RASGRP1: variants seen among roughly 807,000 people sequenced by gnomAD.
RASGRP1 encodes the protein RAS guanyl-releasing protein 1.
Under a neutral mutation model 95.1 loss-of-function variants are expected in RASGRP1, and 37 were observed. That is an observed-to-expected ratio of 0.39 (90% CI 0.30 to 0.51). The LOEUF (loss-of-function observed/expected upper bound fraction) is 0.51. Among genes scored for constraint, RASGRP1 ranks in the 20% least tolerant of loss-of-function variants. The pLI is 0.80. For synonymous variants in RASGRP1, 325 were observed against 353.4 expected, an observed-to-expected ratio of 0.92 and a Z score of 0.90; for missense variants, 711 against 965.4, an observed-to-expected ratio of 0.74 and a Z score of 3.49.
At chr15:38,512,217 T>C (rs1305623632) in intron 7 of RASGRP1, among the ~76,000 whole-genome samples, 1 of 152,222 alleles carries the variant, frequency 6.6e-6, no homozygotes, top group Non-Finnish European at 1.5e-5. Context: ...TTACCAGACT[T>C]TTATTTTTGA....
intron 14 of RASGRP1, chr15:38,499,231 C>A: frequency 1.9e-6 from 1 of 538,280 alleles, no homozygotes; most frequent in Admixed American, 2.6e-5. Flanking sequence ...ATTCTGCCTA[C>A]TCTAGGGAGA....
chr15:38,528,001 T>C (rs906569574), intron 2 of RASGRP1, among the ~76,000 whole-genome samples: 2 of 152,150 alleles, frequency 1.3e-5, no homozygotes, highest in East Asian at 1.9e-4. Flanking sequence ...TATATGTATA[T>C]GTAAACTGAC....
In RASGRP1 at chr15:38,501,193, G is replaced by A. The variant is rs758591562; in HGVS notation, c.1633C>T (p.Gln545Ter). The A allele has an allele frequency of 6.2e-7, 1 of 1,613,050 alleles. No individual in the cohort carries two copies. The highest frequency in any genetic ancestry group is 8.5e-7 in the Non-Finnish European group (1 of 1,179,368). ...GTGGGCTTCAGGTAGGTGGTCTCTT[G>A]GAAGTTGTGAGGAAAGCCCAGGCCC... ...KLGLGFPHNF[Q>*]ETTYLKPTFC... Residue 545 changes from glutamine (Q) to a stop codon, truncating the protein, a stop_gained, in exon 13 of 17, where the codon CAA becomes TAA. Transcript: ENST00000310803. LOFTEE classifies it high-confidence loss of function.
At chr15:38,542,216 A>G (rs915365385) in intron 2 of RASGRP1, among the ~76,000 whole-genome samples, 1 of 152,130 alleles carries the variant, frequency 6.6e-6, no homozygotes. Flanking sequence ...ACACTAAACT[A>G]AAAAATAACA....
chr15:38,558,783 A>G (rs1030423669), intron 2 of RASGRP1, among the ~76,000 whole-genome samples: 1 of 152,252 alleles, frequency 6.6e-6, no homozygotes, highest in African/African-American at 2.4e-5. Flanking sequence ...TATCCCTAAC[A>G]TGTCAAGTAT....
chr15:38,559,156 A>T (rs1334030447), intron 2 of RASGRP1, among the ~76,000 whole-genome samples: 1 of 152,236 alleles, frequency 6.6e-6, no homozygotes, highest in East Asian at 1.9e-4. Context: ...CCAAAAATAC[A>T]CCACGCTTAT....
chr15:38,538,349 A>G (rs1892741057), intron 2 of RASGRP1, among the ~76,000 whole-genome samples: 1 of 152,240 alleles, frequency 6.6e-6, no homozygotes, highest in Admixed American at 6.5e-5. Context: ...CTACAGAAAT[A>G]GCCAAAATGC....
intron 2 of RASGRP1, among the ~76,000 whole-genome samples, chr15:38,548,173 C>G (rs1010025142): frequency 6.6e-5 from 10 of 152,134 alleles, no homozygotes; most frequent in Admixed American, 2.0e-4. Flanking sequence ...ATTTTGCCAC[C>G]TAAGAAAATT....
rs1890440203 is a variant in RASGRP1, at chr15:38,488,438, T to C, written c.*2116A>G. On this transcript the variant is annotated 3_prime_UTR_variant, in exon 17 of 17. Coordinates refer to ENST00000310803, the MANE Select transcript of RASGRP1 (RefSeq NM_005739.4). ...TTTCTGTGATCCCACTAGCCCCATG[T>C]TGCTCAACACAAATACTATTAACTT... 6.6e-6 allele frequency: 1 copy of C among 151,654 alleles called. No individual in the cohort carries two copies. The highest frequency in any genetic ancestry group is 2.4e-5 in the African/African-American group (1 of 41,276). The allele number at this position is 151,654 out of a possible 1,614,324, so 9.4% of individuals were successfully genotyped here. A position where few individuals can be genotyped will look rare whatever the true frequency, so the allele number is the denominator to read the frequency against.
At chr15:38,502,075 G>A (rs1180333599) in intron 12 of RASGRP1, among the ~76,000 whole-genome samples, 8 of 152,100 alleles carry the variant, frequency 5.3e-5, no homozygotes, top group Non-Finnish European at 7.4e-5. Context: ...GGTTGGTCTC[G>A]AACTCCTGAG....
chr15:38,492,271 G>C, intron 16 of RASGRP1, among the ~76,000 whole-genome samples: 1 of 152,122 alleles, frequency 6.6e-6, no homozygotes, highest in East Asian at 1.9e-4. Flanking sequence ...AAAATCTGTT[G>C]TTCTTTTTTC....
intron 2 of RASGRP1, among the ~76,000 whole-genome samples, chr15:38,549,660 C>CCCCTCTGCTTCCCTCTTT (rs148581441): frequency 0.36 from 54,539 of 151,362 alleles, 11,171 homozygotes; most frequent in African/African-American, 0.56. Flanking sequence ...CTTCCCTCTT[C>CCCCTCTGCTTCCCTCTTT]CCCTCTGCTT....
rs1379572124 is a variant in RASGRP1, at chr15:38,494,304, C to T, written c.2259+78G>A. ...TTGTAATCAGCCTGATCTGAATCTT[C>T]AGTCCACATGCTCTTTCCTGGTTTG... On this transcript the variant is annotated intron_variant, in intron 16 of 16. Transcript: ENST00000310803. The T allele has an allele frequency of 2.6e-6, 4 of 1,540,268 alleles. No individual in the cohort carries two copies. In the Admixed American group the frequency reaches 5.3e-5, roughly 20 times the overall value.
At chr15:38,535,024 C>T (rs1892587892) in intron 2 of RASGRP1, among the ~76,000 whole-genome samples, 1 of 152,216 alleles carries the variant, frequency 6.6e-6, no homozygotes, top group Non-Finnish European at 1.5e-5. Flanking sequence ...GGTGAGAACA[C>T]CTGATAATGA....
intron 9 of RASGRP1, among the ~76,000 whole-genome samples, chr15:38,506,521 G>A (rs984463783): frequency 1.3e-5 from 2 of 151,622 alleles, no homozygotes; most frequent in African/African-American, 4.8e-5. Flanking sequence ...CGTGGTCCCA[G>A]CTACTCAGGA....
At position 38,561,198 on chromosome 15, in the gene RASGRP1, C is replaced by T. The variant is rs369207327; in HGVS notation, c.36-1193G>A. On this transcript the variant is annotated intron_variant, in intron 1 of 16. Coordinates refer to ENST00000310803, the MANE Select transcript of RASGRP1 (RefSeq NM_005739.4). ...AATGCATAATGGCATCAATTAATCTCTAAGTGTTTATTCTATGAGTAAGGC... is the reference window on the plus strand; with the variant it reads ...AATGCATAATGGCATCAATTAATCTTTAAGTGTTTATTCTATGAGTAAGGC... 2.0e-4 allele frequency among the ~76,000 whole-genome samples: 31 copies of T among 152,292 alleles called. No individual in the cohort carries two copies. The East Asian group carries it at 5.2e-3, about 26-fold the overall frequency.
At chr15:38,509,007 C>T (rs562425760) in intron 8 of RASGRP1, among the ~76,000 whole-genome samples, 1 of 152,180 alleles carries the variant, frequency 6.6e-6, no homozygotes, top group African/African-American at 2.4e-5. Flanking sequence ...TCATGTTTCC[C>T]ACCCACAAAT....
chr15:38,500,677 C>T (rs75551315), intron 13 of RASGRP1, among the ~76,000 whole-genome samples: 3,096 of 152,160 alleles, frequency 0.02, 41 homozygotes, highest in Middle Eastern at 0.048. Flanking sequence ...CAGACATTCT[C>T]GAGAAATGGA....
chr15:38,548,694 A>G (rs1893202058), intron 2 of RASGRP1, among the ~76,000 whole-genome samples: 2 of 152,248 alleles, frequency 1.3e-5, no homozygotes. Context: ...GGATCCATCT[A>G]TACTCCTATG....
Sources: allele counts gnomAD v4.1 joint callset (sites outside exome capture counted in the v4.1 genomes callset), GRCh38; gene constraint gnomAD v4.1.1; transcripts MANE v1.5; gene names NCBI Gene and HGNC (gene_info 2026-07-23, HGNC 2026-07-21).